The following GALK2 variants were observed in gnomAD, a reference collection of about 807,000 sequenced individuals.
GALK2 encodes the protein N-acetylgalactosamine kinase.
In GALK2, 36 loss-of-function variants were observed where a neutral mutation model predicts 52.4. The ratio of observed to expected loss-of-function variants is 0.69; its 90% CI spans 0.53 to 0.91. The LOEUF (loss-of-function observed/expected upper bound fraction) is 0.91. Among genes scored for constraint, GALK2 ranks in the 40% least tolerant of loss-of-function variants. The pLI, the probability that GALK2 is intolerant of heterozygous loss-of-function variation, is 0.00. For missense variants in GALK2, 579 were observed against 559.1 expected (o/e 1.04, Z -0.36); for synonymous variants, 176 against 199.1 (o/e 0.88, Z 0.98).
intron 2 of GALK2, among the ~76,000 whole-genome samples, chr15:49,209,442 A>T (rs1163625861): frequency 6.6e-6 from 1 of 152,064 alleles, no homozygotes; most frequent in Non-Finnish European, 1.5e-5. Flanking sequence ...ATTTTTCCTC[A>T]TTTGGTATGA....
At chr15:49,316,924 C>CA (rs2036467714) in intron 8 of GALK2, among the ~76,000 whole-genome samples, 1 of 152,118 alleles carries the variant, frequency 6.6e-6, no homozygotes, top group Non-Finnish European at 1.5e-5. Context: ...ATCTAGATGG[C>CA]AAGGGACTCA....
chr15:49,255,057 T>C (rs1006490638), intron 5 of GALK2, among the ~76,000 whole-genome samples: 1 of 143,652 alleles, frequency 7.0e-6, no homozygotes, highest in Non-Finnish European at 1.6e-5. Context: ...ACATCAATAT[T>C]CATCCCCTCA....
intron 3 of GALK2, among the ~76,000 whole-genome samples, chr15:49,362,373 G>T (rs1212199965): frequency 2.0e-5 from 3 of 152,172 alleles, no homozygotes; most frequent in Non-Finnish European, 4.4e-5. Flanking sequence ...GTGATTGTAA[G>T]TTTCCTGAGG....
intron 8 of GALK2, among the ~76,000 whole-genome samples, chr15:49,303,519 C>T (rs964195955): frequency 1.2e-4 from 18 of 152,116 alleles, no homozygotes; most frequent in African/African-American, 4.1e-4. Flanking sequence ...CATGAACTGC[C>T]GTGGCACCAG....
In GALK2 at chr15:49,297,663, C is replaced by T. The variant is rs562321577; in HGVS notation, c.967+5126C>T. Among the ~76,000 whole-genome samples the T allele has an allele frequency of 2.0e-5, 3 of 152,264 alleles. No individual in the cohort carries two copies. In the South Asian group the frequency reaches 6.2e-4, roughly 32 times the overall value. On this transcript the variant is annotated intron_variant, in intron 8 of 9. Transcript: ENST00000560031. ...TCTGTGTATGAATAGCCACCTATCC[C>T]AGTACCATTTATTGAATAGGGAGTC...
At chr15:49,204,101 C>G (rs2088037261) in intron 2 of GALK2, among the ~76,000 whole-genome samples, 1 of 130,000 alleles carries the variant, frequency 7.7e-6, no homozygotes, top group African/African-American at 3.0e-5. Context: ...AGGATTCTGT[C>G]TCAAAAAAAA....
intron 5 of GALK2, among the ~76,000 whole-genome samples, chr15:49,258,792 ATATG>A (rs1462133614): frequency 0.012 from 1,594 of 130,576 alleles, 13 homozygotes; most frequent in Non-Finnish European, 0.015. Flanking sequence ...ATATATATAT[ATATG>A]TGTGTGTGTG....
At position 49,239,356 on chromosome 15, in the gene GALK2, A is replaced by G. The variant is rs775598902; in HGVS notation, c.493A>G (p.Asn165Asp). ...GLVTLTVLGR[N>D]LSKVELAEIC... is the part of the protein sequence containing the mutation. ...GGTGACGCTCACAGTGCTGGGAAGG[A>G]ATCTATCCAAGGTAACTACCTTTGA... The change falls in exon 5 of 10, where the codon AAT (asparagine) becomes GAT (aspartate). Residue 165 changes from asparagine to aspartate, a missense_variant. Asn to Asp is a conservative substitution (Grantham distance 23). Transcript: ENST00000560031. 6 of 1,613,886 alleles carry G rather than the reference A, an allele frequency of 3.7e-6. No homozygotes were observed. In the African/African-American group the frequency reaches 5.3e-5, roughly 14 times the overall value.
intron 9 of GALK2, among the ~76,000 whole-genome samples, chr15:49,326,752 CT>C (rs1401727638): frequency 6.6e-6 from 1 of 151,736 alleles, no homozygotes; most frequent in African/African-American, 2.4e-5. Context: ...CATTTTTTTT[CT>C]TTCTTAAATA....
At chr15:49,171,155 T>C (rs2085067457) in intron 1 of GALK2, among the ~76,000 whole-genome samples, 1 of 150,424 alleles carries the variant, frequency 6.6e-6, no homozygotes, top group Admixed American at 6.6e-5. Context: ...CCATCTTGGC[T>C]CACCGCAACC....
intron 8 of GALK2, among the ~76,000 whole-genome samples, chr15:49,294,542 G>C (rs1215491347): frequency 1.3e-5 from 2 of 152,130 alleles, no homozygotes; most frequent in Admixed American, 1.3e-4. Context: ...GTATTGGATA[G>C]GGAGAGGTTC....
intron 5 of GALK2, among the ~76,000 whole-genome samples, chr15:49,243,590 A>G (rs2091203084): frequency 6.6e-6 from 1 of 152,152 alleles, no homozygotes. Context: ...AAGTATAGTA[A>G]GATTTTGGAA....
In GALK2 at chr15:49,272,272, G is replaced by A. The variant is rs151303186; in HGVS notation, c.505-9715G>A. The stretch of plus-strand genomic sequence containing the variant: ...GGTTGTTTTGTAAATTAAATAAGAT[G>A]TACAAAATACCCTGCACAGTGTCTA... On this transcript the variant is annotated intron_variant, in intron 5 of 9. Transcript: ENST00000560031. Among the ~76,000 whole-genome samples, 858 of 152,262 alleles carry A rather than the reference G, an allele frequency of 5.6e-3. 5 individuals carry two copies. The highest frequency in any genetic ancestry group is 0.02 in the African/African-American group (816 of 41,554).
chr15:49,343,802 A>G (rs1033292961), intron 3 of GALK2: 1 of 152,204 alleles, frequency 6.6e-6, no homozygotes, highest in Non-Finnish European at 1.5e-5. Flanking sequence ...ATCACATGAT[A>G]TCCATGAGAT....
At chr15:49,287,076 G>A (rs944394169) in intron 7 of GALK2, among the ~76,000 whole-genome samples, 46 of 152,154 alleles carry the variant, frequency 3.0e-4, no homozygotes, top group African/African-American at 1.1e-3. Flanking sequence ...TTTTTTGAGA[G>A]TTAACTAGAA....
At position 49,221,781 on chromosome 15, in the gene GALK2, A is replaced by G. The variant is rs557663005; in HGVS notation, c.266+4468A>G. ...ATTACTTGTGTCTGTTTTGATACCAATACCTTGCTGTTTGGGTTTTTATAG... is the reference window on the plus strand; with the variant it reads ...ATTACTTGTGTCTGTTTTGATACCAGTACCTTGCTGTTTGGGTTTTTATAG... On this transcript the variant is annotated intron_variant, in intron 3 of 9. Coordinates refer to ENST00000560031, the MANE Select transcript of GALK2 (RefSeq NM_002044.4). 4.6e-5 allele frequency among the ~76,000 whole-genome samples: 7 copies of G among 152,236 alleles called. No individual in the cohort carries two copies. In the East Asian group the frequency reaches 7.7e-4, roughly 17 times the overall value.
In GALK2 at chr15:49,328,612, GTGA is replaced by G. The variant is rs747851240; in HGVS notation, c.*469_*471del. On this transcript the variant is annotated 3_prime_UTR_variant, in exon 10 of 10. Coordinates refer to ENST00000560031, the MANE Select transcript of GALK2 (RefSeq NM_002044.4). ...AAGTTGTAGTTGTCTGTTGATGATG[GTGA>G]TGATGATGATGATGACGATAGTGAT... is the stretch of plus-strand genomic sequence containing the variant. The G allele has an allele frequency of 1.1e-4, 169 of 1,587,008 alleles. No individual in the cohort carries two copies. The highest frequency in any genetic ancestry group is 5.0e-4 in the African/African-American group (37 of 74,742).
At chr15:49,190,114 C>T (rs1397448762) in intron 1 of GALK2, among the ~76,000 whole-genome samples, 1 of 152,100 alleles carries the variant, frequency 6.6e-6, no homozygotes, top group African/African-American at 2.4e-5. Context: ...TTGTGAAAAA[C>T]TTCGAAATGG....
chr15:49,245,028 A>G (rs892117089), intron 5 of GALK2, among the ~76,000 whole-genome samples: 1 of 152,136 alleles, frequency 6.6e-6, no homozygotes, highest in African/African-American at 2.4e-5. Context: ...TTTGTAACAG[A>G]AATGAAATCA....
Sources: allele counts gnomAD v4.1 joint callset (sites outside exome capture counted in the v4.1 genomes callset), GRCh38; gene constraint gnomAD v4.1.1; transcripts MANE v1.5; gene names NCBI Gene and HGNC (gene_info 2026-07-23, HGNC 2026-07-21).